Variants in FHIT observed in about 807,000 individuals in gnomAD.
FHIT encodes bis(5'-adenosyl)-triphosphatase.
A neutral mutation model predicts 17.9 loss-of-function variants in FHIT; 19 were observed. The ratio of observed to expected loss-of-function variants is 1.06; its 90% confidence interval spans 0.74 to 1.56. FHIT has a LOEUF of 1.56. FHIT is among the 40% of genes most tolerant of loss of function. The probability of loss-of-function intolerance (pLI) is 0.00; values close to 1 mark genes in which losing one functional copy is unlikely to be tolerated. For missense variants in FHIT, 248 were observed against 189.2 expected (o/e 1.31, Z -1.82); for synonymous variants, 81 against 69.7 (o/e 1.16, Z -0.81).
intron 5 of FHIT, among the ~76,000 whole-genome samples, chr3:60,472,214 A>G (rs2033123796): frequency 6.6e-6 from 1 of 151,870 alleles, no homozygotes; most frequent in Admixed American, 6.6e-5. Context: ...TTAAGAAAAA[A>G]GCATTTCAAT....
intron 3 of FHIT, among the ~76,000 whole-genome samples, chr3:60,863,933 T>A (rs1704042241): frequency 6.6e-6 from 1 of 152,152 alleles, no homozygotes; most frequent in Non-Finnish European, 1.5e-5. Context: ...TTCATACTGC[T>A]ATGAAGAAAT....
At chr3:60,520,502 G>T (rs1309038478) in intron 5 of FHIT, among the ~76,000 whole-genome samples, 1 of 152,104 alleles carries the variant, frequency 6.6e-6, no homozygotes, top group Middle Eastern at 3.2e-3. Context: ...AAATAAAAGA[G>T]AAACATCTCG....
chr3:60,874,739 A>C (rs1704568107), intron 3 of FHIT, among the ~76,000 whole-genome samples: 1 of 152,074 alleles, frequency 6.6e-6, no homozygotes, highest in Admixed American at 6.6e-5. Flanking sequence ...TCCTCTTCTA[A>C]GGACTAATCA....
rs142079967 is a variant in FHIT at position 61,127,293 on chromosome 3, A to G, written c.-164+73324T>C. 4.2e-3 allele frequency among the ~76,000 whole-genome samples: 647 copies of G among 152,268 alleles called. 5 individuals are homozygous for G. The highest frequency in any genetic ancestry group is 0.014 in the African/African-American group (589 of 41,554). On this transcript the variant is annotated intron_variant, in intron 2 of 9. Transcript: ENST00000492590. ...GGTTGGATGCTGGATGTAAGACTAG[A>G]CACTGCCATGGCTATGCAGTTTGTT...
intron 2 of FHIT, among the ~76,000 whole-genome samples, chr3:61,055,798 G>A (rs1011061792): frequency 2.0e-5 from 3 of 152,202 alleles, no homozygotes; most frequent in African/African-American, 7.2e-5. Flanking sequence ...ATGAGGGACA[G>A]AGAGAATGTA....
intron 5 of FHIT, among the ~76,000 whole-genome samples, chr3:60,498,146 G>A (rs767691544): frequency 2.0e-5 from 3 of 152,064 alleles, no homozygotes; most frequent in African/African-American, 4.8e-5. Flanking sequence ...CCATAGTTTC[G>A]CCAACACCAA....
intron 8 of FHIT, among the ~76,000 whole-genome samples, chr3:59,828,348 A>G (rs1310992480): frequency 2.0e-5 from 3 of 152,218 alleles, no homozygotes; most frequent in Non-Finnish European, 4.4e-5. Context: ...AAAACCTAGA[A>G]TGAAAGTTAC....
intron 3 of FHIT, among the ~76,000 whole-genome samples, chr3:60,833,701 C>A (rs532020003): frequency 1.3e-5 from 2 of 152,158 alleles, no homozygotes; most frequent in African/African-American, 4.8e-5. Context: ...CACAGTAACA[C>A]AACCAAGATA....
chr3:60,863,234 G>A (rs888335460), intron 3 of FHIT, among the ~76,000 whole-genome samples: 8 of 152,160 alleles, frequency 5.3e-5, no homozygotes, highest in Non-Finnish European at 8.8e-5. Context: ...CAGACATAAA[G>A]AAAATAGGGA....
chr3:60,703,895 A>G (rs895337168), intron 4 of FHIT, among the ~76,000 whole-genome samples: 25 of 152,038 alleles, frequency 1.6e-4, no homozygotes, highest in Non-Finnish European at 3.4e-4. Context: ...AAATGTTTTT[A>G]TTTTGCCTAT....
chr3:60,385,449 A>G (rs2107130825), intron 5 of FHIT, among the ~76,000 whole-genome samples: 1 of 152,364 alleles, frequency 6.6e-6, no homozygotes, highest in South Asian at 2.1e-4. Context: ...ACTACAAACT[A>G]GACATAAAGG....
intron 4 of FHIT, among the ~76,000 whole-genome samples, chr3:60,621,525 A>G (rs2039128947): frequency 6.6e-6 from 1 of 152,096 alleles, no homozygotes; most frequent in Non-Finnish European, 1.5e-5. Context: ...CATTTTATAA[A>G]TATCATTCTG....
intron 5 of FHIT, among the ~76,000 whole-genome samples, chr3:60,150,675 T>G (rs987825104): frequency 1.3e-5 from 2 of 152,176 alleles, no homozygotes; most frequent in East Asian, 3.9e-4. Flanking sequence ...CCCAGAACTT[T>G]AGGAGGCTGA....
intron 4 of FHIT, among the ~76,000 whole-genome samples, chr3:60,795,445 G>C (rs1388539540): frequency 1.3e-5 from 2 of 151,038 alleles, no homozygotes; most frequent in Non-Finnish European, 2.9e-5. Context: ...TTTTGCAAAA[G>C]TTCTCCTTTG....
At chr3:61,187,182 T>C (rs1348747450) in intron 2 of FHIT, among the ~76,000 whole-genome samples, 2 of 152,178 alleles carry the variant, frequency 1.3e-5, no homozygotes, top group African/African-American at 4.8e-5. Context: ...GATTGAGCAC[T>C]TGAAATCTGC....
At chr3:60,040,366 G>A (rs954756003) in intron 5 of FHIT, among the ~76,000 whole-genome samples, 2 of 151,952 alleles carry the variant, frequency 1.3e-5, no homozygotes, top group African/African-American at 2.4e-5. Context: ...GGATGGTCTC[G>A]ATCTCTTGAC....
At chr3:60,558,137 C>T (rs970290754) in intron 4 of FHIT, among the ~76,000 whole-genome samples, 4 of 151,928 alleles carry the variant, frequency 2.6e-5, no homozygotes, top group Admixed American at 6.6e-5. Flanking sequence ...CTTTGTGTAT[C>T]GCAAAGCCTG....
intron 4 of FHIT, among the ~76,000 whole-genome samples, chr3:60,633,554 C>T (rs1226448384): frequency 2.6e-5 from 4 of 152,118 alleles, no homozygotes; most frequent in Non-Finnish European, 5.9e-5. Context: ...TATGTGAGGT[C>T]CTTTGGATTT....
intron 5 of FHIT, among the ~76,000 whole-genome samples, chr3:60,406,892 A>G (rs2107210259): frequency 6.6e-6 from 1 of 152,212 alleles, no homozygotes; most frequent in Non-Finnish European, 1.5e-5. Context: ...ACTAAAATAA[A>G]CAGAAGACTG....
Sources: gnomAD v4.1 joint callset for allele counts (sites outside exome capture counted in the v4.1 genomes callset) on GRCh38, gnomAD v4.1.1 for gene constraint, MANE v1.5 for transcripts, NCBI Gene and HGNC (gene_info 2026-07-23, HGNC 2026-07-21) for gene names.